Variants in PCDHGB1 observed in about 807,000 individuals in gnomAD.
The protein encoded by PCDHGB1 is protocadherin gamma-B1.
In PCDHGB1, 34 loss-of-function variants were observed where a neutral mutation model predicts 56.6. That is an observed-to-expected ratio of 0.60 (90% CI 0.46 to 0.80). PCDHGB1 has a LOEUF of 0.80. Ranked by LOEUF, PCDHGB1 falls within the 30% of genes least tolerant of loss-of-function variation. PCDHGB1 has a pLI of 0.00. For missense variants in PCDHGB1, 1,278 were observed against 1,204.6 expected, an observed-to-expected ratio of 1.06 and a Z score of -0.90; for synonymous variants, 561 against 505.9, an observed-to-expected ratio of 1.11 and a Z score of -1.46.
At chr5:141,492,068 G>A in intron 1 of PCDHGB1, 1 of 479,628 alleles carries the variant, frequency 2.1e-6, no homozygotes, top group Non-Finnish European at 3.7e-6. Flanking sequence ...AGCCTCCTAG[G>A]CGCCGGCTCC....
Position 141,489,624 on chromosome 5 carries a change from C to T in PCDHGB1, c.2410-5183C>T. 1 of 1,614,088 alleles carries T rather than the reference C, an allele frequency of 6.2e-7. No homozygotes were observed. On this transcript the variant is annotated intron_variant, in intron 1 of 3. Transcript: ENST00000523390. The surrounding 1 kb of genome is among the most constrained non-coding windows in gnomAD (Gnocchi z 4.5). Reference sequence around the variant, plus strand: ...AGGTAGAGATCCTGGATCTCAATGACAACTCTCCTAGCTTTGCCACCCCTG... The same window carrying T: ...AGGTAGAGATCCTGGATCTCAATGATAACTCTCCTAGCTTTGCCACCCCTG...
chr5:141,419,730 G>A (rs747960969), intron 1 of PCDHGB1: 9 of 1,613,746 alleles, frequency 5.6e-6, no homozygotes, highest in Non-Finnish European at 7.6e-6. Context: ...CTGCGAACAG[G>A]CGAGGTGCGC....
chr5:141,352,608 T>C lies in PCDHGB1; in HGVS notation c.2348T>C (p.Met783Thr), dbSNP rs1434961071. 1.2e-6 allele frequency: 2 copies of C among 1,613,510 alleles called. No individual in the cohort carries two copies. Among genetic ancestry groups the C allele is most frequent in the East Asian group, 2.2e-5 (1 of 44,890 alleles). Reference sequence around the variant, plus strand: ...GATCTGCTGTGTGATGATCCTTCTATGGTTGTATGTGCCAGTAATGAAGAT... The same window carrying C: ...GATCTGCTGTGTGATGATCCTTCTACGGTTGTATGTGCCAGTAATGAAGAT... ...PQDLLCDDPS[M>T]VVCASNEDHK... is the part of the protein sequence containing the mutation. The change falls in exon 1 of 4, where the codon ATG (methionine) becomes ACG (threonine). Residue 783 changes from methionine to threonine, a missense_variant. Met to Thr is a moderately conservative substitution (Grantham distance 81). Transcript: ENST00000523390.
At chr5:141,363,972 A>G (rs2149852244) in intron 1 of PCDHGB1, among the ~76,000 whole-genome samples, 1 of 152,370 alleles carries the variant, frequency 6.6e-6, no homozygotes, top group Admixed American at 6.5e-5. Context: ...AAGTCTTGCT[A>G]TTCAGAATTA....
chr5:141,428,367 G>C, intron 1 of PCDHGB1: 1 of 546,792 alleles, frequency 1.8e-6, no homozygotes, highest in South Asian at 1.9e-5. Context: ...CGGTCGCCTT[G>C]CACCTGCGAT....
chr5:141,438,627 TATATATATACACAC>T (rs1407400493), intron 1 of PCDHGB1, among the ~76,000 whole-genome samples: 2,053 of 47,724 alleles, frequency 0.043, 22 homozygotes, highest in African/African-American at 0.13. Context: ...TATATATATA[TATATATATACACAC>T]ACACACACAC....
At chr5:141,410,513 G>C in intron 1 of PCDHGB1, 1 of 1,613,954 alleles carries the variant, frequency 6.2e-7, no homozygotes, top group Non-Finnish European at 8.5e-7. Context: ...AAAATGCAGT[G>C]TGCCCCTACA....
At chr5:141,372,238 G>C in intron 1 of PCDHGB1, 4 of 1,613,300 alleles carry the variant, frequency 2.5e-6, no homozygotes, top group Non-Finnish European at 3.4e-6. Flanking sequence ...AGCGAGCCCG[G>C]GCTGTTCAGC....
At chr5:141,455,103 C>T (rs1319698016) in intron 1 of PCDHGB1, among the ~76,000 whole-genome samples, 1 of 151,862 alleles carries the variant, frequency 6.6e-6, no homozygotes, top group South Asian at 2.1e-4. Flanking sequence ...TGAGCCACTG[C>T]GCCCGGTGGG....
chr5:141,383,102 CCA>C lies in PCDHGB1; in HGVS notation c.2409+30434_2409+30435del, dbSNP rs1253092385. ...GCGGAGCGCGGAGTCCGCATCATCT[CCA>C]GAGGTAGGACGCAGCTTTTCGCCCT... On this transcript the variant is annotated intron_variant, in intron 1 of 3. Coordinates refer to ENST00000523390, the MANE Select transcript of PCDHGB1 (RefSeq NM_018922.3). 3 of 1,614,004 alleles carry C rather than the reference CCA, an allele frequency of 1.9e-6. No homozygotes were observed. In the South Asian group the frequency reaches 3.3e-5, roughly 18 times the overall value.
intron 1 of PCDHGB1, among the ~76,000 whole-genome samples, chr5:141,480,700 C>A (rs1327284592): frequency 1.3e-5 from 2 of 152,192 alleles, no homozygotes; most frequent in Admixed American, 6.5e-5. Flanking sequence ...CCAGGCCACA[C>A]CCCGACAAAT....
intron 1 of PCDHGB1, among the ~76,000 whole-genome samples, chr5:141,445,937 A>C (rs2098482193): frequency 6.6e-6 from 1 of 152,202 alleles, no homozygotes; most frequent in African/African-American, 2.4e-5. Flanking sequence ...TGAATTATTA[A>C]GCTTACTCTG....
chr5:141,391,553 T>G (rs2150453893), intron 1 of PCDHGB1: 1 of 152,348 alleles, frequency 6.6e-6, no homozygotes, highest in South Asian at 2.1e-4. Context: ...CTACCCAGTT[T>G]TCCATATGCA....
At chr5:141,494,890 C>A (rs1483157263) in intron 2 of PCDHGB1, 25 bp downstream of exon 2, 1 of 1,614,120 alleles carries the variant, frequency 6.2e-7, no homozygotes. Context: ...CTCCAGCCCA[C>A]CCTCTTCTCT....
intron 1 of PCDHGB1, chr5:141,383,675 C>G: frequency 6.2e-7 from 1 of 1,614,006 alleles, no homozygotes; most frequent in Non-Finnish European, 8.5e-7. Flanking sequence ...CCAGTGGGTA[C>G]AAGACTGCTC....
chr5:141,384,850 C>A, intron 1 of PCDHGB1: 1 of 1,613,646 alleles, frequency 6.2e-7, no homozygotes, highest in African/African-American at 1.3e-5. Context: ...GGACCACGGT[C>A]AGCCTCCTCT....
intron 1 of PCDHGB1, among the ~76,000 whole-genome samples, chr5:141,373,223 T>C (rs1769412774): frequency 6.6e-6 from 1 of 152,256 alleles, no homozygotes; most frequent in Admixed American, 6.5e-5. Context: ...ATGTAACCTG[T>C]ATATAATATT....
At chr5:141,422,618 A>G in intron 1 of PCDHGB1, 3 of 1,613,682 alleles carry the variant, frequency 1.9e-6, no homozygotes, top group Non-Finnish European at 2.5e-6. Flanking sequence ...TACATTCCCG[A>G]AAACAACCCC....
At chr5:141,364,226 C>T in intron 1 of PCDHGB1, 5 of 1,375,088 alleles carry the variant, frequency 3.6e-6, no homozygotes, top group Non-Finnish European at 4.9e-6. Context: ...AAAGCCAACG[C>T]TCCACGCCCA....
Sources: allele counts gnomAD v4.1 joint callset (sites outside exome capture counted in the v4.1 genomes callset), GRCh38; gene constraint gnomAD v4.1.1; non-coding constraint Gnocchi (gnomAD v3.1); transcripts MANE v1.5; gene names NCBI Gene and HGNC (gene_info 2026-07-23, HGNC 2026-07-21).